KCNMA1: variants seen among roughly 807,000 people sequenced by gnomAD.
The protein encoded by KCNMA1 is Calcium-activated potassium channel subunit alpha-1.
In KCNMA1, 29 loss-of-function variants were observed where a neutral mutation model predicts 140.0. That is an observed-to-expected ratio of 0.21 (90% CI 0.15 to 0.28). The LOEUF is 0.28. KCNMA1 is among the 10% of genes least tolerant of loss of function. The pLI, the probability that KCNMA1 is intolerant of heterozygous loss-of-function variation, is 1.00. For missense variants in KCNMA1, 880 were observed against 1,602.2 expected (o/e 0.55, Z 7.70); for synonymous variants, 612 against 611.9 (o/e 1.00, Z 0.00).
At chr10:77,034,468 G>T (rs1222104425) in intron 15 of KCNMA1, among the ~76,000 whole-genome samples, 1 of 152,142 alleles carries the variant, frequency 6.6e-6, no homozygotes, top group Admixed American at 6.5e-5. Flanking sequence ...AGCTTTCGCC[G>T]GGCGGTCTTA....
At chr10:76,911,412 G>A (rs2050181369) in intron 24 of KCNMA1, 1 of 152,228 alleles carries the variant, frequency 6.6e-6, no homozygotes, top group African/African-American at 2.4e-5. Context: ...GGCTAGTGGT[G>A]AAAGTCCAAA....
At position 76,952,092 on chromosome 10, in the gene KCNMA1, C is replaced by G. The variant is rs1363133330; in HGVS notation, c.2484+1709G>C. 5 of 1,552,184 alleles carry G rather than the reference C, an allele frequency of 3.2e-6. No individual in the cohort carries two copies. The East Asian group carries it at 7.3e-5, about 23-fold the overall frequency. ...TGTTGATTGAATATCAGTTGGCATG[C>G]ATACTACACCAATATCCAGGCAAGT... is the stretch of plus-strand genomic sequence containing the variant. On this transcript the variant is annotated intron_variant, in intron 21 of 27. Coordinates refer to ENST00000286628, the MANE Select transcript of KCNMA1 (RefSeq NM_001161352.2).
chr10:77,407,812 A>T (rs1240421445), intron 1 of KCNMA1, among the ~76,000 whole-genome samples: 1 of 152,138 alleles, frequency 6.6e-6, no homozygotes, highest in African/African-American at 2.4e-5. Flanking sequence ...GCACCCGCTG[A>T]TGGGGCTGGG....
At chr10:77,244,821 T>C (rs891772742) in intron 3 of KCNMA1, among the ~76,000 whole-genome samples, 6 of 152,044 alleles carry the variant, frequency 3.9e-5, no homozygotes, top group Admixed American at 1.3e-4. Flanking sequence ...AGACTTCCCA[T>C]TGGAGTTATT....
At chr10:77,154,213 G>A (rs1157951859) in intron 5 of KCNMA1, among the ~76,000 whole-genome samples, 9 of 152,162 alleles carry the variant, frequency 5.9e-5, no homozygotes, top group East Asian at 3.9e-4. Context: ...GCCTTCCACC[G>A]TGATTGTAAG....
At chr10:77,288,357 C>T (rs142681631) in intron 2 of KCNMA1, among the ~76,000 whole-genome samples, 3 of 152,336 alleles carry the variant, frequency 2.0e-5, no homozygotes, top group South Asian at 2.1e-4. Flanking sequence ...GTGTACATCA[C>T]TGAGCCTTTG....
intron 9 of KCNMA1, among the ~76,000 whole-genome samples, chr10:77,106,496 A>C (rs1281500490): frequency 6.6e-6 from 1 of 151,838 alleles, no homozygotes; most frequent in Admixed American, 6.6e-5. Flanking sequence ...CCTCCAGCCC[A>C]CCCACCAGCT....
rs561795123 is a variant in KCNMA1 at position 77,455,294 on chromosome 10, G to A, written c.379-51271C>T. On this transcript the variant is annotated intron_variant, in intron 1 of 27. Coordinates refer to ENST00000286628, the MANE Select transcript of KCNMA1 (RefSeq NM_001161352.2). The stretch of plus-strand genomic sequence containing the variant: ...AAATAGAAAAAGTCACCAGCTCAGG[G>A]TCAAATAATTAATGGAACTCGAACC... Among the ~76,000 whole-genome samples the A allele has an allele frequency of 2.0e-5, 3 of 152,192 alleles. No homozygotes were observed. The South Asian group carries it at 6.2e-4, about 32-fold the overall frequency.
downstream of KCNMA1, chr10:76,874,865 T>C (rs567298930): frequency 2.0e-5 from 3 of 152,358 alleles, no homozygotes; most frequent in South Asian, 6.2e-4. Flanking sequence ...ATGATGGTGA[T>C]GATATTTTCT....
chr10:77,012,201 T>C, intron 17 of KCNMA1, 158 bp from the exon 18 acceptor site: 2 of 1,512,292 alleles, frequency 1.3e-6, no homozygotes, highest in Non-Finnish European at 1.8e-6. Context: ...CGGAAATGTT[T>C]GTTGCAAGAC....
chr10:77,130,780 T>G (rs565759389), intron 5 of KCNMA1, among the ~76,000 whole-genome samples: 23 of 152,246 alleles, frequency 1.5e-4, no homozygotes, highest in African/African-American at 4.8e-4. Context: ...TGTTAGAAAC[T>G]GACTTGGCAT....
chr10:77,175,778 C>A (rs898509050), intron 5 of KCNMA1, among the ~76,000 whole-genome samples: 5 of 152,094 alleles, frequency 3.3e-5, no homozygotes, highest in Non-Finnish European at 5.9e-5. Context: ...GCAGAGACAG[C>A]AAGAAGATGC....
chr10:77,280,159 G>A (rs1013159258), intron 2 of KCNMA1, among the ~76,000 whole-genome samples: 1 of 152,166 alleles, frequency 6.6e-6, no homozygotes, highest in Non-Finnish European at 1.5e-5. Context: ...GAAATCTCAA[G>A]TGGAATGGTA....
chr10:77,545,401 T>C (rs1242733830), intron 1 of KCNMA1, among the ~76,000 whole-genome samples: 3 of 152,186 alleles, frequency 2.0e-5, no homozygotes, highest in East Asian at 1.9e-4. Flanking sequence ...AAATGTTAAG[T>C]AGATTTTCCA....
At chr10:77,195,326 A>C (rs2040097913) in intron 3 of KCNMA1, among the ~76,000 whole-genome samples, 1 of 152,154 alleles carries the variant, frequency 6.6e-6, no homozygotes, top group African/African-American at 2.4e-5. Context: ...TGCTGAGTAC[A>C]AGGCTAGAGT....
intron 14 of KCNMA1, among the ~76,000 whole-genome samples, chr10:77,069,695 A>G (rs1250288905): frequency 2.0e-5 from 3 of 152,224 alleles, no homozygotes; most frequent in African/African-American, 7.2e-5. Flanking sequence ...TTAGGGTCCT[A>G]AGGTTGGTAT....
At chr10:77,422,883 T>C (rs376888569) in intron 1 of KCNMA1, among the ~76,000 whole-genome samples, 3 of 152,204 alleles carry the variant, frequency 2.0e-5, no homozygotes, top group Non-Finnish European at 2.9e-5. Flanking sequence ...CCTGCTGACA[T>C]CTTGATTTAA....
At chr10:77,019,327 A>G (rs1411449537) in intron 16 of KCNMA1, 7 of 542,168 alleles carry the variant, frequency 1.3e-5, no homozygotes, top group South Asian at 2.1e-5. Flanking sequence ...CTCCCAGTTG[A>G]GGAAATCAAA....
At chr10:77,539,523 C>T (rs60324694) in intron 1 of KCNMA1, among the ~76,000 whole-genome samples, 6,085 of 152,212 alleles carry the variant, frequency 0.04, 272 homozygotes, top group African/African-American at 0.12. Flanking sequence ...GGGAGACATT[C>T]CCTCAAGAAT....
Sources: gnomAD v4.1 joint callset for allele counts (sites outside exome capture counted in the v4.1 genomes callset) on GRCh38, gnomAD v4.1.1 for gene constraint, MANE v1.5 for transcripts, NCBI Gene and HGNC (gene_info 2026-07-23, HGNC 2026-07-21) for gene names.